Variants in CLVS1 observed in about 807,000 individuals in gnomAD.
CLVS1 encodes clavesin 1.
A neutral mutation model predicts 33.1 loss-of-function variants in CLVS1; 10 were observed. The observed-to-expected ratio is 0.30, with a 90% CI of 0.19 to 0.51. The LOEUF (loss-of-function observed/expected upper bound fraction) is 0.51. Among genes scored for constraint, CLVS1 ranks in the 20% least tolerant of loss-of-function variants. The pLI, the probability that CLVS1 is intolerant of heterozygous loss-of-function variation, is 0.97. For missense variants in CLVS1, 343 were observed against 433.4 expected, an observed-to-expected ratio of 0.79 and a Z score of 1.85; for synonymous variants, 163 against 166.1, an observed-to-expected ratio of 0.98 and a Z score of 0.14.
chr8:61,295,786 C>G (rs1455483940), intron 1 of CLVS1, among the ~76,000 whole-genome samples: 1 of 152,014 alleles, frequency 6.6e-6, no homozygotes, highest in African/African-American at 2.4e-5. Context: ...CCTCTCTGTG[C>G]CTTAGTTTCC....
intron 1 of CLVS1, among the ~76,000 whole-genome samples, chr8:61,069,885 G>C (rs1804760560): frequency 6.6e-6 from 1 of 151,988 alleles, no homozygotes; most frequent in South Asian, 2.1e-4. Context: ...CTGCCTCCCG[G>C]GTGATTCTCC....
At chr8:61,414,399 C>T (rs1035207346) in intron 3 of CLVS1, among the ~76,000 whole-genome samples, 7 of 126,628 alleles carry the variant, frequency 5.5e-5, no homozygotes, top group Admixed American at 1.5e-4. Context: ...TGGAATTTAC[C>T]GAAATTGTTT....
the CLVS1 span, among the ~76,000 whole-genome samples, chr8:60,982,602 T>C: frequency 1.2e-3 from 181 of 152,292 alleles, no homozygotes; most frequent in African/African-American, 4.1e-3. Context: ...TTGCCTATTG[T>C]CACCACTGCC....
the CLVS1 span, among the ~76,000 whole-genome samples, chr8:61,028,450 G>A: frequency 1.3e-5 from 2 of 152,186 alleles, no homozygotes; most frequent in East Asian, 1.9e-4. Flanking sequence ...TAATTACAAT[G>A]AATACCCAAT....
intron 1 of CLVS1, among the ~76,000 whole-genome samples, chr8:61,074,978 T>TC (rs571601130): frequency 9.9e-5 from 15 of 151,196 alleles, no homozygotes; most frequent in East Asian, 3.9e-4. Flanking sequence ...AAAATCATCC[T>TC]CCCCCCCCTT....
At chr8:61,163,406 T>C (rs540601038) in intron 2 of CLVS1, among the ~76,000 whole-genome samples, 3 of 152,344 alleles carry the variant, frequency 2.0e-5, no homozygotes, top group South Asian at 4.1e-4. Context: ...AAGTACACCA[T>C]TGGGGACCCT....
At chr8:61,227,701 A>G (rs1808359165) in intron 2 of CLVS1, among the ~76,000 whole-genome samples, 1 of 152,210 alleles carries the variant, frequency 6.6e-6, no homozygotes, top group Non-Finnish European at 1.5e-5. Context: ...GTCAAAGGTC[A>G]GTTGCAAAAG....
the CLVS1 span, among the ~76,000 whole-genome samples, chr8:60,988,399 G>A: frequency 6.6e-6 from 1 of 152,088 alleles, no homozygotes; most frequent in Admixed American, 6.5e-5. Context: ...CAGACAACCT[G>A]TAAGAATCAA....
chr8:61,253,317 T>A (rs1413344073), intron 2 of CLVS1, among the ~76,000 whole-genome samples: 1 of 152,228 alleles, frequency 6.6e-6, no homozygotes, highest in Non-Finnish European at 1.5e-5. Context: ...CTTCCCTTTA[T>A]GGGTAACCTG....
At chr8:61,377,087 C>T (rs1364411185) in intron 3 of CLVS1, 1 of 261,410 alleles carries the variant, frequency 3.8e-6, no homozygotes, top group Non-Finnish European at 7.2e-6. Context: ...AACTAGGAAA[C>T]ATCTGCTTTA....
chr8:61,288,233 C>T (rs1362515540), intron 1 of CLVS1, 95 bp downstream of exon 1: 1 of 456,394 alleles, frequency 2.2e-6, no homozygotes, highest in East Asian at 6.9e-5. Flanking sequence ...TTCAGCACTT[C>T]GGTATGTGGA....
chr8:61,028,597 T>A, the CLVS1 span, among the ~76,000 whole-genome samples: 2 of 152,156 alleles, frequency 1.3e-5, no homozygotes, highest in African/African-American at 4.8e-5. Context: ...AATGTGAGTT[T>A]CCTTCTGGTT....
the CLVS1 span, among the ~76,000 whole-genome samples, chr8:60,979,476 T>A: frequency 1.3e-5 from 2 of 152,242 alleles, no homozygotes; most frequent in Non-Finnish European, 2.9e-5. Flanking sequence ...TGATTCCTCC[T>A]GTCTAATGGA....
At chr8:61,209,647 A>C (rs1208964470) in intron 2 of CLVS1, among the ~76,000 whole-genome samples, 1 of 152,230 alleles carries the variant, frequency 6.6e-6, no homozygotes, top group African/African-American at 2.4e-5. Flanking sequence ...AACTGGGTTA[A>C]AGTTAACTGA....
intron 5 of CLVS1, among the ~76,000 whole-genome samples, chr8:61,497,450 G>GA (rs1052627006): frequency 1.4e-5 from 2 of 147,638 alleles, no homozygotes; most frequent in East Asian, 2.0e-4. Flanking sequence ...ATTGGGGGGG[G>GA]GGTGTCAGTC....
At chr8:60,986,746 T>C in the CLVS1 span, among the ~76,000 whole-genome samples, 1 of 152,258 alleles carries the variant, frequency 6.6e-6, no homozygotes, top group African/African-American at 2.4e-5. Flanking sequence ...TAAAGGGCAC[T>C]GAAAGGAACT....
intron 1 of CLVS1, among the ~76,000 whole-genome samples, chr8:61,127,658 C>T (rs1234675481): frequency 6.6e-6 from 1 of 152,180 alleles, no homozygotes; most frequent in East Asian, 1.9e-4. Context: ...TGGTAACACA[C>T]TGAGTATTTT....
chr8:61,028,946 G>T, the CLVS1 span, among the ~76,000 whole-genome samples: 119 of 152,330 alleles, frequency 7.8e-4, 2 homozygotes, highest in East Asian at 0.014. Context: ...ATAGGTTTGT[G>T]CTGGAATGCA....
the CLVS1 span, among the ~76,000 whole-genome samples, chr8:61,041,393 A>G: frequency 0.19 from 28,850 of 152,034 alleles, 2,872 homozygotes; most frequent in Middle Eastern, 0.36. Context: ...GATAGGAATA[A>G]TGTTGAATCT....
Sources: allele counts gnomAD v4.1 joint callset (sites outside exome capture counted in the v4.1 genomes callset), GRCh38; gene constraint gnomAD v4.1.1; transcripts MANE v1.5; gene names NCBI Gene and HGNC (gene_info 2026-07-23, HGNC 2026-07-21).